DNAJC2: variants seen among roughly 807,000 people sequenced by gnomAD.
DNAJC2 encodes dnaJ homolog subfamily C member 2.
DNAJC2 carries 32 observed loss-of-function variants against 94.0 expected under a neutral mutation model. The observed-to-expected ratio is 0.34, with a 90% confidence interval of 0.26 to 0.46. The LOEUF is 0.46. Among genes scored for constraint, DNAJC2 ranks in the 20% least tolerant of loss-of-function variants. DNAJC2 has a pLI of 1.00. For missense variants in DNAJC2, 550 were observed against 719.5 expected (o/e 0.76, Z 2.69); for synonymous variants, 210 against 229.7 (o/e 0.91, Z 0.77).
chr7:103,312,926 A>G, intron 16 of DNAJC2, 21 bp downstream of exon 16: 1 of 1,597,804 alleles, frequency 6.3e-7, no homozygotes, highest in Non-Finnish European at 8.5e-7. Context: ...ACAACAATCT[A>G]TAAACGCTTA....
At position 103,341,944 on chromosome 7, in the gene DNAJC2, G is replaced by C; in HGVS notation, c.75C>G (p.Leu25=). 4 of 1,595,596 alleles carry C rather than the reference G, an allele frequency of 2.5e-6. No individual in the cohort carries two copies. Among genetic ancestry groups the C allele is most frequent in the Non-Finnish European group, 2.6e-6 (3 of 1,172,702 alleles). Residue 25 remains leucine (L), a synonymous_variant, in exon 2 of 17, where the codon CTC becomes CTG. Coordinates refer to ENST00000379263, the MANE Select transcript of DNAJC2 (RefSeq NM_014377.3). ...ATCTTCCCACAGGTTCAACTTGACA[G>C]AGTGTAGAGGCTGTGATTGAAAGTG... is the stretch of plus-strand genomic sequence containing the variant. ...ITHALTSAST[L]CQVEPVGRWF...
At chr7:103,328,730 G>A (rs568159376) in intron 3 of DNAJC2, among the ~76,000 whole-genome samples, 60 of 151,988 alleles carry the variant, frequency 3.9e-4, no homozygotes, top group Middle Eastern at 3.4e-3. Flanking sequence ...CATTTTCCAT[G>A]GTTTTTTCCT....
chr7:103,325,622 A>G (rs1387668573), intron 5 of DNAJC2, among the ~76,000 whole-genome samples: 1 of 152,232 alleles, frequency 6.6e-6, no homozygotes, highest in Non-Finnish European at 1.5e-5. Context: ...GAATCTTTCC[A>G]GGTGGAACTC....
chr7:103,332,055 A>G (rs1818996893), intron 3 of DNAJC2, among the ~76,000 whole-genome samples: 1 of 148,656 alleles, frequency 6.7e-6, no homozygotes, highest in Non-Finnish European at 1.5e-5. Flanking sequence ...CCCAGGTTGG[A>G]GTGCAGTGGT....
At position 103,327,529 on chromosome 7, in the gene DNAJC2, T is replaced by A. The variant is rs191990151; in HGVS notation, c.430+127A>T. On this transcript the variant is annotated intron_variant, in intron 4 of 16. Transcript: ENST00000379263. ...GGTGATGATTAGAAAGAACTTGATATAACTAAAATGTTTTAAAATGTCAAA... is the reference window on the plus strand; with the variant it reads ...GGTGATGATTAGAAAGAACTTGATAAAACTAAAATGTTTTAAAATGTCAAA... 1,665 of 733,868 alleles carry A rather than the reference T, an allele frequency of 2.3e-3. 22 individuals carry two copies. In the African/African-American group the frequency reaches 0.026, roughly 11 times the overall value. The allele number at this position is 733,868 out of a possible 1,614,324, so 45.5% of individuals were successfully genotyped here. A position where few individuals can be genotyped will look rare whatever the true frequency, so the allele number is the denominator to read the frequency against.
chr7:103,313,664 C>T (rs367829063), intron 15 of DNAJC2: 10 of 985,412 alleles, frequency 1.0e-5, no homozygotes, highest in African/African-American at 1.7e-5. Context: ...GTGTTCTCTT[C>T]GTCACATCTG....
At chr7:103,324,982 A>C (rs961416093) in intron 5 of DNAJC2, among the ~76,000 whole-genome samples, 1 of 152,148 alleles carries the variant, frequency 6.6e-6, no homozygotes, top group African/African-American at 2.4e-5. Context: ...ACTAATTTCC[A>C]CCTCATCACC....
chr7:103,315,303 A>G (rs972882288), intron 15 of DNAJC2, among the ~76,000 whole-genome samples: 1 of 152,002 alleles, frequency 6.6e-6, no homozygotes, highest in Non-Finnish European at 1.5e-5. Context: ...AAATGTGAAC[A>G]TTTTCATATT....
intron 3 of DNAJC2, among the ~76,000 whole-genome samples, chr7:103,334,024 C>T (rs2116006773): frequency 6.6e-6 from 1 of 150,862 alleles, no homozygotes; most frequent in Non-Finnish European, 1.5e-5. Flanking sequence ...GATCTCAGCT[C>T]ACTGCAAGCT....
intron 10 of DNAJC2, among the ~76,000 whole-genome samples, chr7:103,320,417 A>T (rs1818321519): frequency 6.6e-6 from 1 of 152,034 alleles, no homozygotes; most frequent in Non-Finnish European, 1.5e-5. Flanking sequence ...TCAGGTGTAC[A>T]TATTTCAGTT....
chr7:103,312,635 G>T lies in DNAJC2; in HGVS notation c.1800C>A (p.Val600=), dbSNP rs1196636352. The change falls in exon 17 of 17, where the codon GTC becomes GTA. Residue 600 remains valine, a synonymous_variant. Transcript: ENST00000379263. ...CAGCTTTCTTTGCTTTTACCATCTCGACAAGTTCCTAGGAAGGGAGAAAGG... is the reference window on the plus strand; with the variant it reads ...CAGCTTTCTTTGCTTTTACCATCTCTACAAGTTCCTAGGAAGGGAGAAAGG... ...KDCMKRYKEL[V]EMVKAKKAAQ... 5 of 1,612,952 alleles carry T rather than the reference G, an allele frequency of 3.1e-6. No homozygotes were observed. The highest frequency in any genetic ancestry group is 2.7e-5 in the African/African-American group (2 of 74,870).
Position 103,323,630 on chromosome 7 carries a change from A to G in DNAJC2, c.687T>C (p.Tyr229=). 2.1e-6 allele frequency: 3 copies of G among 1,461,572 alleles called. No individual in the cohort carries two copies. Among genetic ancestry groups the G allele is most frequent in the Non-Finnish European group, 9.3e-7 (1 of 1,071,922 alleles). The allele number at this position is 1,461,572 out of a possible 1,614,324, so 90.5% of individuals were successfully genotyped here. Residue 229 remains tyrosine, a synonymous_variant, in exon 7 of 17, where the codon TAT becomes TAC. Transcript: ENST00000379263. ...CTTTTTCTTTTTCTTCTTCATCTAA[A>G]TAAGAAAATTCTCTCCAAGAATCAA... is the stretch of plus-strand genomic sequence containing the variant. ...YNFDSWREFS[Y]LDEEEKEKAE...
intron 3 of DNAJC2, among the ~76,000 whole-genome samples, chr7:103,333,347 C>G (rs35399723): frequency 0.065 from 9,932 of 152,214 alleles, 393 homozygotes; most frequent in South Asian, 0.13. Context: ...ACAGATTTAG[C>G]TGCCAGTCCT....
rs1419929885 is a variant in DNAJC2 at position 103,316,886 on chromosome 7, A to G, written c.1371T>C (p.Asp457=). ...GGNGSKNWSE[D]DLQLLIKAVN... ...CAGCTTTAATTAGTAATTGTAGATC[A>G]TCTTCTGACCAATTTTTACTTCCAT... The change falls in exon 13 of 17, where the codon GAT becomes GAC. Residue 457 remains aspartate (D), a synonymous_variant. Coordinates refer to ENST00000379263, the MANE Select transcript of DNAJC2 (RefSeq NM_014377.3). The G allele has an allele frequency of 1.2e-6, 2 of 1,613,980 alleles. No homozygotes were observed. The highest frequency in any genetic ancestry group is 3.3e-5 in the Admixed American group (2 of 60,014).
Position 103,313,072 on chromosome 7 carries a change from T to C in DNAJC2, c.1666A>G (p.Thr556Ala), listed in dbSNP as rs751160011. ...GPYTDFTPWT[T>A]EEQKLLEQAL... is the part of the protein sequence containing the mutation. ...TGTTCCAAAAGCTTCTGTTCTTCTGTTGTCCAAGGGGTGAAGTCTGTATAT... is the reference window on the plus strand; with the variant it reads ...TGTTCCAAAAGCTTCTGTTCTTCTGCTGTCCAAGGGGTGAAGTCTGTATAT... Residue 556 changes from threonine to alanine, a missense_variant, in exon 16 of 17, where the codon ACA becomes GCA. Physicochemically the swap from Thr to Ala is moderately conservative, Grantham distance 58. Around this residue, in one of 2 missense-constraint regions of DNAJC2, gnomAD observed 271 missense variants for 302.6 expected, o/e 0.90. Coordinates refer to ENST00000379263, the MANE Select transcript of DNAJC2 (RefSeq NM_014377.3). 4 of 1,613,950 alleles carry C rather than the reference T, an allele frequency of 2.5e-6. No individual in the cohort carries two copies. The East Asian group carries it at 6.7e-5, about 27-fold the overall frequency.
intron 2 of DNAJC2, 103 bp downstream of exon 2, chr7:103,341,661 T>G (rs771052687): frequency 2.1e-6 from 2 of 963,294 alleles, no homozygotes; most frequent in Non-Finnish European, 3.1e-6. Flanking sequence ...ATAGTTATCT[T>G]GCTGAATCAT....
intron 13 of DNAJC2, chr7:103,316,586 C>T: frequency 2.2e-6 from 1 of 455,942 alleles, no homozygotes; most frequent in Non-Finnish European, 3.9e-6. Context: ...TAAATCAAGA[C>T]TTGTCTCATG....
At chr7:103,321,128 G>A (rs1818382938) in intron 10 of DNAJC2, among the ~76,000 whole-genome samples, 1 of 151,946 alleles carries the variant, frequency 6.6e-6, no homozygotes. Context: ...AACTTGGGAG[G>A]TGAAGGTTGC....
intron 2 of DNAJC2, among the ~76,000 whole-genome samples, chr7:103,338,752 A>C (rs185652578): frequency 1.1e-3 from 162 of 152,008 alleles, no homozygotes; most frequent in Non-Finnish European, 1.9e-3. Context: ...TCTACTAAAA[A>C]TACAAAAATT....
Sources: gnomAD v4.1 joint callset for allele counts (sites outside exome capture counted in the v4.1 genomes callset) on GRCh38, gnomAD v4.1.1 for gene constraint, gnomAD v4.1.1 regional missense constraint, MANE v1.5 for transcripts, NCBI Gene and HGNC (gene_info 2026-07-23, HGNC 2026-07-21) for gene names.